Variants in MAN1A1 observed in about 807,000 individuals in gnomAD.
The protein encoded by MAN1A1 is mannosidase alpha class 1A member 1.
A neutral mutation model predicts 70.8 loss-of-function variants in MAN1A1; 29 were observed. That is an observed-to-expected ratio of 0.41 (90% confidence interval 0.31 to 0.56). MAN1A1 has a LOEUF of 0.56. Among genes scored for constraint, MAN1A1 ranks in the 20% least tolerant of loss-of-function variants. The probability of loss-of-function intolerance (pLI) is 0.29; values close to 1 mark genes in which losing one functional copy is unlikely to be tolerated. For missense variants in MAN1A1, 747 were observed against 841.3 expected, an observed-to-expected ratio of 0.89 and a Z score of 1.39; for synonymous variants, 349 against 330.1, an observed-to-expected ratio of 1.06 and a Z score of -0.62.
chr6:119,216,577 A>G (rs1488893297), intron 6 of MAN1A1, among the ~76,000 whole-genome samples: 2 of 152,212 alleles, frequency 1.3e-5, no homozygotes, highest in Admixed American at 1.3e-4. Flanking sequence ...AGTTTGCTAT[A>G]ATAACTATCA....
At chr6:119,283,339 T>A (rs1439908432) in intron 5 of MAN1A1, among the ~76,000 whole-genome samples, 1 of 152,198 alleles carries the variant, frequency 6.6e-6, no homozygotes, top group East Asian at 1.9e-4. Flanking sequence ...TGTTGAAGAG[T>A]TTTAGTCAAT....
chr6:119,277,936 CAA>C (rs58837799), intron 5 of MAN1A1, among the ~76,000 whole-genome samples: 57 of 23,164 alleles, frequency 2.5e-3, no homozygotes, highest in African/African-American at 0.01. Context: ...GACTCCATCT[CAA>C]AAAAAAAAAA....
chr6:119,178,385 T>C lies in MAN1A1; in HGVS notation c.*1434A>G, dbSNP rs1773057846. The C allele has an allele frequency of 6.6e-6, 1 of 152,092 alleles. No individual in the cohort carries two copies. Among genetic ancestry groups the C allele is most frequent in the Non-Finnish European group, 1.5e-5 (1 of 67,942 alleles). The allele number at this position is 152,092 out of a possible 1,614,324, so 9.4% of individuals were successfully genotyped here. A position where few individuals can be genotyped will look rare whatever the true frequency, so the allele number is the denominator to read the frequency against. On this transcript the variant is annotated 3_prime_UTR_variant, in exon 13 of 13. Coordinates refer to ENST00000368468, the MANE Select transcript of MAN1A1 (RefSeq NM_005907.4). ...GGGGTTGTACTGATCTTTCTGACCA[T>C]TCTCGGCTGAAAATTGACATGGTCA...
intron 8 of MAN1A1, among the ~76,000 whole-genome samples, chr6:119,196,787 C>G (rs1773580151): frequency 6.6e-6 from 1 of 152,148 alleles, no homozygotes; most frequent in Non-Finnish European, 1.5e-5. Flanking sequence ...CCCAATGATG[C>G]TAGTGACACT....
rs80061585 is a variant in MAN1A1, at chr6:119,313,427, G to C, written c.604-6435C>G. 5.9e-3 allele frequency among the ~76,000 whole-genome samples: 894 copies of C among 152,158 alleles called. 28 individuals carry two copies. In the East Asian group the frequency reaches 0.09, roughly 15 times the overall value. ...GATAGTTTCCAATTTTACCCCATAT[G>C]AAATTCAAATACTCATTCACATGCT... On this transcript the variant is annotated intron_variant, in intron 2 of 12. Coordinates refer to ENST00000368468, the MANE Select transcript of MAN1A1 (RefSeq NM_005907.4).
At chr6:119,189,946 G>T in intron 9 of MAN1A1, 63 bp from the exon 10 acceptor site, 2 of 1,249,092 alleles carry the variant, frequency 1.6e-6, no homozygotes, top group Non-Finnish European at 2.3e-6. Flanking sequence ...CTAAAAATAT[G>T]CCCAACATTA....
Position 119,349,004 on chromosome 6 carries a change from C to G in MAN1A1, c.62G>C (p.Gly21Ala). Residue 21 changes from glycine (G) to alanine (A), a missense_variant, in exon 2 of 13, where the codon GGG becomes GCG. Gly to Ala is a moderately conservative substitution (Grantham distance 60). Transcript: ENST00000368468. ...SSPAGGVLGG[G>A]LGGGGGRKGS... is the part of the protein sequence containing the mutation. ...CTTCCTGCCACCGCCGCCGCCGAGC[C>G]CCCCGCCCAGGACGCCGCCCGCGGG... The G allele has an allele frequency of 7.1e-7, 1 of 1,409,930 alleles. No homozygotes were observed. Among genetic ancestry groups the G allele is most frequent in the Non-Finnish European group, 9.3e-7 (1 of 1,077,874 alleles). 87.3% of individuals were successfully genotyped at this position (1,409,930 alleles called of 1,614,324 possible).
At chr6:119,249,718 A>G (rs892532029) in intron 5 of MAN1A1, among the ~76,000 whole-genome samples, 5 of 152,208 alleles carry the variant, frequency 3.3e-5, no homozygotes, top group African/African-American at 1.2e-4. Flanking sequence ...CTCCACTGAG[A>G]CATCCAGGCA....
intron 6 of MAN1A1, among the ~76,000 whole-genome samples, chr6:119,222,500 A>C (rs1335169439): frequency 6.6e-6 from 1 of 151,020 alleles, no homozygotes; most frequent in East Asian, 2.0e-4. Flanking sequence ...CTAATTTTTT[A>C]AGTTTTTATA....
intron 6 of MAN1A1, among the ~76,000 whole-genome samples, chr6:119,222,566 A>G (rs1328630313): frequency 1.3e-5 from 2 of 152,058 alleles, no homozygotes; most frequent in Admixed American, 6.6e-5. Flanking sequence ...AGCTCAAGAG[A>G]TCCTCCTGCC....
rs115378906 is a variant in MAN1A1 at position 119,195,952 on chromosome 6, A to T, written c.1211-2060T>A. 2.1e-3 allele frequency among the ~76,000 whole-genome samples: 314 copies of T among 152,366 alleles called. 3 individuals are homozygous for T. The highest frequency in any genetic ancestry group is 6.9e-3 in the African/African-American group (286 of 41,580). Reference sequence around the variant, plus strand: ...AACTAAATAGACTAAGTACGAACTCATCAATAATAAGCCCTGTTGTTATCA... The same window carrying T: ...AACTAAATAGACTAAGTACGAACTCTTCAATAATAAGCCCTGTTGTTATCA... On this transcript the variant is annotated intron_variant, in intron 8 of 12. Coordinates refer to ENST00000368468, the MANE Select transcript of MAN1A1 (RefSeq NM_005907.4).
At chr6:119,248,142 A>C in intron 6 of MAN1A1, 118 bp downstream of exon 6, 1 of 660,734 alleles carries the variant, frequency 1.5e-6, no homozygotes, top group Non-Finnish European at 2.6e-6. Flanking sequence ...CAAGACTCCC[A>C]GTGGAGTCTG....
At chr6:119,245,290 G>C (rs1165759856) in intron 6 of MAN1A1, among the ~76,000 whole-genome samples, 1 of 152,084 alleles carries the variant, frequency 6.6e-6, no homozygotes, top group Non-Finnish European at 1.5e-5. Flanking sequence ...ATATGATTTT[G>C]CCAGATATAT....
chr6:119,285,143 T>A (rs1776332616), intron 5 of MAN1A1, among the ~76,000 whole-genome samples: 1 of 151,182 alleles, frequency 6.6e-6, no homozygotes, highest in Non-Finnish European at 1.5e-5. Flanking sequence ...CAGACTTTTT[T>A]TTTTTTTTTT....
At chr6:119,260,916 A>T (rs1775589487) in intron 5 of MAN1A1, among the ~76,000 whole-genome samples, 1 of 151,540 alleles carries the variant, frequency 6.6e-6, no homozygotes. Context: ...AACAAGAAAC[A>T]TAATTTATGT....
At position 119,253,050 on chromosome 6, in the gene MAN1A1, C is replaced by T. The variant is rs1033900222; in HGVS notation, c.898-4696G>A. The stretch of plus-strand genomic sequence containing the variant: ...AGCTGAGTGAACATAAAAAAAAAAT[C>T]GTCGTTTTGAAGTGTCTTCTTCTCT... On this transcript the variant is annotated intron_variant, in intron 5 of 12. Transcript: ENST00000368468. 2.6e-5 allele frequency among the ~76,000 whole-genome samples: 4 copies of T among 152,076 alleles called. No individual in the cohort carries two copies. In the East Asian group the frequency reaches 5.8e-4, roughly 22 times the overall value.
At chr6:119,265,100 A>T (rs888937109) in intron 5 of MAN1A1, among the ~76,000 whole-genome samples, 16 of 75,314 alleles carry the variant, frequency 2.1e-4, no homozygotes, top group African/African-American at 6.6e-4. Flanking sequence ...TGCCTTTTTT[A>T]AATTTTTTTT....
intron 5 of MAN1A1, among the ~76,000 whole-genome samples, chr6:119,250,189 C>A (rs1218655080): frequency 6.6e-6 from 1 of 152,214 alleles, no homozygotes; most frequent in East Asian, 1.9e-4. Flanking sequence ...CACTGCCCAG[C>A]CATCTGTTGA....
chr6:119,316,951 C>A lies in MAN1A1; in HGVS notation c.604-9959G>T, dbSNP rs202172909. On this transcript the variant is annotated intron_variant, in intron 2 of 12. Transcript: ENST00000368468. ...ATTACATTTTTTTATTATTATTATT[C>A]TTTTTTTTTTTTTTTGAAACAAGCT... Among the ~76,000 whole-genome samples the A allele has an allele frequency of 4.3e-5, 6 of 138,144 alleles. No individual in the cohort carries two copies. The South Asian group carries it at 9.2e-4, about 21-fold the overall frequency. The allele number at this position is 138,144 out of a possible 152,430, so 90.6% of individuals were successfully genotyped here. A position where few individuals can be genotyped will look rare whatever the true frequency, so the allele number is the denominator to read the frequency against.
Sources: allele counts gnomAD v4.1 joint callset (sites outside exome capture counted in the v4.1 genomes callset), GRCh38; gene constraint gnomAD v4.1.1; transcripts MANE v1.5; gene names NCBI Gene and HGNC (gene_info 2026-07-23, HGNC 2026-07-21).